PHTF2: variants seen among roughly 807,000 people sequenced by gnomAD.
PHTF2 encodes the protein protein PHTF2.
A neutral mutation model predicts 101.2 loss-of-function variants in PHTF2; 60 were observed. The ratio of observed to expected loss-of-function variants is 0.59; its 90% confidence interval spans 0.48 to 0.73. The LOEUF (loss-of-function observed/expected upper bound fraction) is 0.73. Ranked by LOEUF, PHTF2 falls within the 30% of genes least tolerant of loss-of-function variation. The probability of loss-of-function intolerance (pLI) is 0.00; values close to 1 mark genes in which losing one functional copy is unlikely to be tolerated. For synonymous variants in PHTF2, 311 were observed against 307.3 expected, an observed-to-expected ratio of 1.01 and a Z score of -0.13; for missense variants, 747 against 908.7, an observed-to-expected ratio of 0.82 and a Z score of 2.29.
At chr7:77,871,237 G>A (rs1301247468) in intron 3 of PHTF2, among the ~76,000 whole-genome samples, 1 of 152,086 alleles carries the variant, frequency 6.6e-6, no homozygotes, top group Admixed American at 6.6e-5. Context: ...TAATCACACG[G>A]CATGGTGATA....
At chr7:77,944,757 GACATAGATA>G (rs1320915727) in intron 16 of PHTF2, among the ~76,000 whole-genome samples, 1 of 152,158 alleles carries the variant, frequency 6.6e-6, no homozygotes, top group Non-Finnish European at 1.5e-5. Flanking sequence ...AGTGATGAAA[GACATAGATA>G]ACACTGTGAA....
intron 16 of PHTF2, among the ~76,000 whole-genome samples, chr7:77,947,826 C>CTTTCTTTTTTTTTTTTTTTTTTTTTTTT (rs1562976127): frequency 1.2e-4 from 10 of 86,936 alleles, no homozygotes; most frequent in African/African-American, 4.2e-4. Context: ...TTTCTTTTTT[C>CTTTCTTTTTTTTTTTTTTTTTTTTTTTT]TTTTTTCTTT....
At chr7:77,920,571 T>A in intron 10 of PHTF2, 106 bp downstream of exon 9, 1 of 768,858 alleles carries the variant, frequency 1.3e-6, no homozygotes, top group Non-Finnish European at 2.2e-6. Flanking sequence ...TCTCCAGAAT[T>A]AATTCTGTGA....
intron 19 of PHTF2, 73 bp downstream of exon 18, chr7:77,953,967 T>G: frequency 2.5e-6 from 3 of 1,203,116 alleles, no homozygotes; most frequent in Non-Finnish European, 2.4e-6. Flanking sequence ...TACCCTCACA[T>G]GCACAGTAAT....
rs774525842 is a variant in PHTF2, at chr7:77,942,836, C to G, written c.1959+50C>G. Reference sequence around the variant, plus strand: ...AATTAACCAGATATATAAATATTAACTTTCAGATTAATAAATAATCAAATA... The same window carrying G: ...AATTAACCAGATATATAAATATTAAGTTTCAGATTAATAAATAATCAAATA... On this transcript the variant is annotated intron_variant, in intron 16 of 19. Coordinates refer to ENST00000416283, the Ensembl canonical transcript of PHTF2. 7.3e-6 allele frequency: 6 copies of G among 826,380 alleles called. No homozygotes were observed. The Middle Eastern group carries it at 9.3e-4, about 128-fold the overall frequency. The allele number at this position is 826,380 out of a possible 1,614,324, so 51.2% of individuals were successfully genotyped here.
chr7:77,876,174 G>A (rs1798930142), intron 3 of PHTF2, among the ~76,000 whole-genome samples: 1 of 152,054 alleles, frequency 6.6e-6, no homozygotes, highest in African/African-American at 2.4e-5. Context: ...CCTGGCTTTG[G>A]GTTCTTAGGT....
chr7:77,896,424 C>T (rs902194159), intron 5 of PHTF2, among the ~76,000 whole-genome samples: 2 of 152,040 alleles, frequency 1.3e-5, no homozygotes, highest in Non-Finnish European at 2.9e-5. Context: ...TTAGCTGGGA[C>T]ATACCTGCAG....
exon 6 of PHTF2, chr7:77,900,770 T>C: frequency 6.5e-7 from 1 of 1,533,472 alleles, no homozygotes; most frequent in South Asian, 1.1e-5. Flanking sequence ...TAGATGTTGA[T>C]CTTGTAAGAG....
At chr7:77,843,756 G>T (rs1052945276) in intron 2 of PHTF2, among the ~76,000 whole-genome samples, 1 of 152,256 alleles carries the variant, frequency 6.6e-6, no homozygotes, top group East Asian at 1.9e-4. Flanking sequence ...TGTGTTGAAA[G>T]CCAAGGATCA....
rs1798581617 is a variant in PHTF2, at chr7:77,872,224, TG to T, written c.147+17394del. On this transcript the variant is annotated intron_variant, in intron 3 of 19. Transcript: ENST00000416283. ...TGTTCATGGGCCCATTGGACGATGA[TG>T]GGGTGGCTGGGGAAAGAGACTGAGT... Among the ~76,000 whole-genome samples, 5 of 152,178 alleles carry T rather than the reference TG, an allele frequency of 3.3e-5. No homozygotes were observed. The East Asian group carries it at 9.7e-4, about 29-fold the overall frequency.
chr7:77,834,169 C>T (rs1795271057), intron 1 of PHTF2, among the ~76,000 whole-genome samples: 1 of 151,980 alleles, frequency 6.6e-6, no homozygotes, highest in Admixed American at 6.6e-5. Context: ...AAAAAATTAG[C>T]CAGGCATCAT....
exon 20 of PHTF2, chr7:77,956,419 A>G (rs769811286): frequency 1.3e-5 from 2 of 152,556 alleles, no homozygotes; most frequent in East Asian, 1.9e-4. Flanking sequence ...ATTCAGCCTC[A>G]TTGTGTAGTA....
intron 3 of PHTF2, among the ~76,000 whole-genome samples, chr7:77,880,635 G>A (rs776939228): frequency 3.3e-5 from 5 of 152,026 alleles, no homozygotes; most frequent in South Asian, 2.1e-4. Context: ...TTCACATCCC[G>A]CTTGGATTGA....
At chr7:77,903,474 T>C (rs1415847347) in intron 7 of PHTF2, among the ~76,000 whole-genome samples, 1 of 152,250 alleles carries the variant, frequency 6.6e-6, no homozygotes, top group African/African-American at 2.4e-5. Flanking sequence ...TGCTTTCTAG[T>C]ATTCCACGAC....
rs761290166 is a variant in PHTF2 at position 77,929,947 on chromosome 7, A to ATTT, written c.1338+639_1338+641dup. On this transcript the variant is annotated intron_variant, in intron 12 of 19. Coordinates refer to ENST00000416283, the Ensembl canonical transcript of PHTF2. Reference sequence around the variant, plus strand: ...GCACATCTCATTTTGGACTAGCCACATTTTTTTTTTTTTTTTTTTTTGAGA... The same window carrying ATTT: ...GCACATCTCATTTTGGACTAGCCACATTTTTTTTTTTTTTTTTTTTTTTTGAGA... Among the ~76,000 whole-genome samples the ATTT allele has an allele frequency of 1.2e-3, 142 of 122,144 alleles. 3 individuals are homozygous for ATTT. The highest frequency in any genetic ancestry group is 3.8e-3 in the African/African-American group (118 of 30,896). The allele number at this position is 122,144 out of a possible 152,430, so 80.1% of individuals were successfully genotyped here.
At chr7:77,935,565 C>T (rs1805051276) in intron 12 of PHTF2, among the ~76,000 whole-genome samples, 1 of 152,126 alleles carries the variant, frequency 6.6e-6, no homozygotes, top group Non-Finnish European at 1.5e-5. Flanking sequence ...TAGTTGCTGT[C>T]TTCTCTTTTG....
At chr7:77,878,334 G>A (rs1457798297) in intron 3 of PHTF2, among the ~76,000 whole-genome samples, 1 of 152,038 alleles carries the variant, frequency 6.6e-6, no homozygotes, top group Non-Finnish European at 1.5e-5. Context: ...GGGATTACAA[G>A]ACCAGTTGAG....
chr7:77,883,690 T>C (rs1799589630), intron 3 of PHTF2, among the ~76,000 whole-genome samples: 1 of 152,176 alleles, frequency 6.6e-6, no homozygotes, highest in Non-Finnish European at 1.5e-5. Context: ...AAAAAGACTT[T>C]TATCTGCACA....
chr7:77,817,178 C>A (rs777155758), intron 1 of PHTF2, among the ~76,000 whole-genome samples: 1 of 152,192 alleles, frequency 6.6e-6, no homozygotes, highest in Non-Finnish European at 1.5e-5. Context: ...AGTTTACATT[C>A]CTACCAAATG....
Sources: gnomAD v4.1 joint callset for allele counts (sites outside exome capture counted in the v4.1 genomes callset) on GRCh38, gnomAD v4.1.1 for gene constraint, MANE v1.5 for transcripts, NCBI Gene and HGNC (gene_info 2026-07-23, HGNC 2026-07-21) for gene names.